Variants in MDN1 observed in about 807,000 individuals in gnomAD.
MDN1 encodes the protein midasin AAA ATPase 1.
In MDN1, 266 loss-of-function variants were observed where a neutral mutation model predicts 669.2. The observed-to-expected ratio is 0.40, with a 90% confidence interval of 0.36 to 0.44. MDN1 has a LOEUF of 0.44. MDN1 is among the 20% of genes least tolerant of loss of function. MDN1 has a pLI of 1.00. For synonymous variants in MDN1, 2,385 were observed against 2,457.1 expected, an observed-to-expected ratio of 0.97 and a Z score of 0.87; for missense variants, 5,940 against 6,754.0, an observed-to-expected ratio of 0.88 and a Z score of 4.22.
In MDN1 at chr6:89,790,140, C is replaced by G; in HGVS notation, c.1098+19G>C. On this transcript the variant is annotated intron_variant, in intron 6 of 101. Coordinates refer to ENST00000369393, the MANE Select transcript of MDN1 (RefSeq NM_014611.3). The stretch of plus-strand genomic sequence containing the variant: ...TTACAAGCATGACAAGCCACCAAAA[C>G]TTAACATTTCCTTATTACCTTACTG... 6.2e-7 allele frequency: 1 copy of G among 1,613,578 alleles called. No individual in the cohort carries two copies. Among genetic ancestry groups the G allele is most frequent in the Non-Finnish European group, 8.5e-7 (1 of 1,179,894 alleles).
chr6:89,795,816 G>C (rs553128756), intron 2 of MDN1, among the ~76,000 whole-genome samples: 64 of 152,162 alleles, frequency 4.2e-4, no homozygotes, highest in Admixed American at 4.6e-4. Flanking sequence ...GCCGGGCATG[G>C]TGGTGGCTCA....
intron 40 of MDN1, 90 bp downstream of exon 40, chr6:89,722,865 A>AAAAAAAAT (rs1554186697): frequency 2.4e-6 from 2 of 840,762 alleles, no homozygotes; most frequent in Non-Finnish European, 3.4e-6. Flanking sequence ...AAAAAAAAAA[A>AAAAAAAAT]AAGGCTTGCA....
intron 15 of MDN1, among the ~76,000 whole-genome samples, chr6:89,763,332 CAAAAAAAA>C (rs35383804): frequency 4.1e-5 from 4 of 97,100 alleles, no homozygotes; most frequent in Non-Finnish European, 8.7e-5. Flanking sequence ...GTAGGGCACG[CAAAAAAAA>C]AAAAAAAAAA....
At chr6:89,696,708 C>G in intron 59 of MDN1, 134 bp from the exon 60 acceptor site, 1 of 654,534 alleles carries the variant, frequency 1.5e-6, no homozygotes, top group Non-Finnish European at 2.7e-6. Context: ...AGAGACTGGC[C>G]TAGAAGGACA....
At chr6:89,672,922 A>T (rs1236925555) in intron 80 of MDN1, among the ~76,000 whole-genome samples, 1 of 152,236 alleles carries the variant, frequency 6.6e-6, no homozygotes, top group African/African-American at 2.4e-5. Flanking sequence ...AAATATAAAA[A>T]TAACAGTTAA....
At chr6:89,700,465 T>C (rs1338788485) in intron 56 of MDN1, among the ~76,000 whole-genome samples, 171 bp from the exon 57 acceptor site, 1 of 152,192 alleles carries the variant, frequency 6.6e-6, no homozygotes, top group Non-Finnish European at 1.5e-5. Flanking sequence ...ACCCACATGA[T>C]TCTGATGGAA....
intron 1 of MDN1, among the ~76,000 whole-genome samples, chr6:89,812,555 A>T (rs1480055761): frequency 6.6e-6 from 1 of 152,188 alleles, no homozygotes; most frequent in African/African-American, 2.4e-5. Flanking sequence ...TATGCTTAAC[A>T]TATTGAGTTT....
chr6:89,668,997 A>G (rs1269475056), intron 83 of MDN1, among the ~76,000 whole-genome samples: 1 of 152,248 alleles, frequency 6.6e-6, no homozygotes, highest in Non-Finnish European at 1.5e-5. Flanking sequence ...ATTGAACTAC[A>G]TTATTTAAAT....
At position 89,685,811 on chromosome 6, in the gene MDN1, A is replaced by G; in HGVS notation, c.11719+16T>C. The G allele has an allele frequency of 6.3e-7, 1 of 1,599,324 alleles. No individual in the cohort carries two copies. The highest frequency in any genetic ancestry group is 8.5e-7 in the Non-Finnish European group (1 of 1,173,976). Reference sequence around the variant, plus strand: ...TAGTCGTGCAATGTCAAAGGAAAGGAAAAAAAAATCCTCACCCTTTCCTTC... The same window carrying G: ...TAGTCGTGCAATGTCAAAGGAAAGGGAAAAAAAATCCTCACCCTTTCCTTC... On this transcript the variant is annotated intron_variant, in intron 70 of 101. Transcript: ENST00000369393.
chr6:89,757,012 A>G (rs1335478814), intron 19 of MDN1, among the ~76,000 whole-genome samples: 1 of 152,164 alleles, frequency 6.6e-6, no homozygotes, highest in Non-Finnish European at 1.5e-5. Context: ...AATAAGTGCA[A>G]TAAAAAACAA....
chr6:89,778,106 C>T (rs935198775), intron 11 of MDN1, among the ~76,000 whole-genome samples: 1 of 151,704 alleles, frequency 6.6e-6, no homozygotes, highest in African/African-American at 2.4e-5. Flanking sequence ...ACAATCTGAT[C>T]TATTTTTTCA....
At chr6:89,745,694 G>A in intron 27 of MDN1, 68 bp from the exon 28 acceptor site, 1 of 1,480,032 alleles carries the variant, frequency 6.8e-7, no homozygotes, top group Non-Finnish European at 9.2e-7. Flanking sequence ...CAAGGGATAT[G>A]GAGAATATGA....
At chr6:89,696,660 A>C in intron 59 of MDN1, 86 bp from the exon 60 acceptor site, 1 of 1,021,492 alleles carries the variant, frequency 9.8e-7, no homozygotes, top group South Asian at 1.4e-5. Flanking sequence ...GGAAAGAAAC[A>C]GACAGTTCAG....
rs1817398062 is a variant in MDN1, at chr6:89,758,962, T to TAG, written c.2461-4_2461-3dup. Reference sequence around the variant, plus strand: ...CTTTACAGCCTGAGCTAATGTACCCTAGAAAAAGATAAAATAAAATGTTAA... The same window carrying TAG: ...CTTTACAGCCTGAGCTAATGTACCCTAGAGAAAAAGATAAAATAAAATGTTAA... On this transcript the variant is annotated splice_region_variant and splice_polypyrimidine_tract_variant and intron_variant, in intron 17 of 101. Coordinates refer to ENST00000369393, the MANE Select transcript of MDN1 (RefSeq NM_014611.3). 4 of 1,612,076 alleles carry TAG rather than the reference T, an allele frequency of 2.5e-6. No individual in the cohort carries two copies. Among genetic ancestry groups the TAG allele is most frequent in the Non-Finnish European group, 3.4e-6 (4 of 1,178,790 alleles).
chr6:89,783,795 A>G (rs979186998), intron 9 of MDN1, among the ~76,000 whole-genome samples: 3 of 152,140 alleles, frequency 2.0e-5, no homozygotes, highest in African/African-American at 7.2e-5. Context: ...TCAGCCAGCC[A>G]ACACTTATGG....
At chr6:89,780,084 A>C in intron 11 of MDN1, 128 bp downstream of exon 11, 1 of 565,762 alleles carries the variant, frequency 1.8e-6, no homozygotes, top group Non-Finnish European at 3.0e-6. Context: ...AAAAAAACAA[A>C]AAAAGAATAA....
rs531953844 is a variant in MDN1 at position 89,760,371 on chromosome 6, T to A, written c.2460+1274A>T. Among the ~76,000 whole-genome samples the A allele has an allele frequency of 2.0e-5, 3 of 152,266 alleles. No individual in the cohort carries two copies. In the East Asian group the frequency reaches 5.8e-4, roughly 29 times the overall value. ...AAATCCCTCTCTCACATCCACACAC[T>A]CTTTCCCCGGAGACACACATGGTGA... is the stretch of plus-strand genomic sequence containing the variant. On this transcript the variant is annotated intron_variant, in intron 17 of 101. Transcript: ENST00000369393.
At chr6:89,734,322 C>T (rs1815784851) in intron 33 of MDN1, among the ~76,000 whole-genome samples, 1 of 151,464 alleles carries the variant, frequency 6.6e-6, no homozygotes, top group African/African-American at 2.4e-5. Context: ...AAACAATGTT[C>T]CATGTCACTA....
chr6:89,747,300 A>G (rs763198053), intron 27 of MDN1, 29 bp downstream of exon 27: 1 of 1,604,070 alleles, frequency 6.2e-7, no homozygotes, highest in Non-Finnish European at 8.5e-7. Context: ...ACATAACTAT[A>G]TATTGAGAGC....
Sources: allele counts gnomAD v4.1 joint callset (sites outside exome capture counted in the v4.1 genomes callset), GRCh38; gene constraint gnomAD v4.1.1; transcripts MANE v1.5; gene names NCBI Gene and HGNC (gene_info 2026-07-23, HGNC 2026-07-21).